The following USP9X variants were observed in gnomAD, a reference collection of about 807,000 sequenced individuals.
The protein encoded by USP9X is ubiquitin specific peptidase 9 X-linked.
USP9X carries 7 observed loss-of-function variants against 190.3 expected under a neutral mutation model. The observed-to-expected ratio is 0.04, with a 90% CI of 0.02 to 0.07. The LOEUF is 0.07. USP9X is among the 10% of genes least tolerant of loss of function. USP9X has a pLI of 1.00. For synonymous variants in USP9X, 645 were observed against 659.5 expected (o/e 0.98, Z 0.34); for missense variants, 1,010 against 1,916.9 (o/e 0.53, Z 8.83).
At chrX:41,088,504 A>T (rs1364510197) in intron 1 of USP9X, among the ~76,000 whole-genome samples, 1 of 112,256 alleles carries the variant, frequency 8.9e-6, no homozygotes, top group African/African-American at 3.2e-5. Context: ...ATCAATTTCT[A>T]ACGTTTTAGT....
At chrX:41,207,993 T>A (rs1211069460) in intron 32 of USP9X, among the ~76,000 whole-genome samples, 1 of 110,619 alleles carries the variant, frequency 9.0e-6, no homozygotes, top group African/African-American at 3.3e-5. Context: ...CATTTCTGTT[T>A]ATGCTCTTCC....
intron 1 of USP9X, among the ~76,000 whole-genome samples, chrX:41,092,850 A>C (rs1246510111): frequency 9.1e-6 from 1 of 110,338 alleles, no homozygotes; most frequent in Non-Finnish European, 1.9e-5. Context: ...CTGTTACCAT[A>C]GTTTGCCAGC....
chrX:41,160,482 G>T (rs2067116811), intron 14 of USP9X, among the ~76,000 whole-genome samples: 1 of 111,135 alleles, frequency 9.0e-6, no homozygotes, highest in Non-Finnish European at 1.9e-5. Context: ...CAGGGTCCCA[G>T]TTCTTCATAA....
At chrX:41,161,635 C>CTTTTTTTTTTTTTTTTTTTTTTTTTTTT (rs759623425) in intron 14 of USP9X, among the ~76,000 whole-genome samples, 4 of 47,412 alleles carry the variant, frequency 8.4e-5, no homozygotes, top group South Asian at 1.4e-3. Context: ...GGCGCCCTGC[C>CTTTTTTTTTTTTTTTTTTTTTTTTTTTT]TTTTTTTTTT....
chrX:41,125,670 ACACACACACACACACTCTCTCTCTCT>A (rs747528912), intron 2 of USP9X, among the ~76,000 whole-genome samples: 3,726 of 58,620 alleles, frequency 0.064, 142 homozygotes, highest in Admixed American at 0.18. Context: ...ACACACACAC[ACACACACACACACACTCTCTCTCTCT>A]CTCTCTCTCT....
chrX:41,108,379 A>G (rs899110787), intron 1 of USP9X, among the ~76,000 whole-genome samples: 3 of 111,584 alleles, frequency 2.7e-5, no homozygotes, highest in African/African-American at 9.8e-5. Context: ...AAATTGCCCC[A>G]CAGTCTGATC....
chrX:41,178,086 T>C (rs2062792573), intron 21 of USP9X, among the ~76,000 whole-genome samples: 1 of 32,420 alleles, frequency 3.1e-5, no homozygotes, highest in Non-Finnish European at 7.1e-5. Flanking sequence ...GTTTAAATCT[T>C]TTTTTTTTTT....
intron 1 of USP9X, among the ~76,000 whole-genome samples, chrX:41,086,624 C>T (rs369781110): frequency 8.9e-6 from 1 of 112,229 alleles, no homozygotes; most frequent in Admixed American, 9.3e-5. Flanking sequence ...GACGACTTGT[C>T]CGCCTCCCCC....
intron 18 of USP9X, among the ~76,000 whole-genome samples, chrX:41,168,585 C>T (rs764173662): frequency 1.8e-5 from 2 of 112,485 alleles, no homozygotes; most frequent in East Asian, 2.8e-4. Context: ...TGGCTCACTG[C>T]GGGCTCAAGC....
At chrX:41,224,699 A>C in intron 39 of USP9X, 43 bp from the exon 40 acceptor site, 1 of 1,032,127 alleles carries the variant, frequency 9.7e-7, no homozygotes, top group Non-Finnish European at 1.3e-6. Context: ...ATTATTGTGA[A>C]GAAGCTTATT....
intron 1 of USP9X, among the ~76,000 whole-genome samples, chrX:41,089,956 G>A (rs945348172): frequency 3.0e-4 from 24 of 80,836 alleles, no homozygotes; most frequent in African/African-American, 1.1e-3. Context: ...CTCTGTCACT[G>A]AGGCTGGAGT....
At chrX:41,188,312 G>A (rs1001669785) in intron 25 of USP9X, among the ~76,000 whole-genome samples, 195 bp downstream of exon 25, 1 of 112,194 alleles carries the variant, frequency 8.9e-6, no homozygotes, top group Admixed American at 9.4e-5. Flanking sequence ...ATCGTGCCAT[G>A]TGGCTGCTTT....
chrX:41,182,914 T>A (rs1427753598), intron 21 of USP9X, among the ~76,000 whole-genome samples: 2 of 104,743 alleles, frequency 1.9e-5, no homozygotes, highest in Non-Finnish European at 3.9e-5. Flanking sequence ...CTGTAAAAAT[T>A]CATTTACCCA....
At chrX:41,215,185 T>C (rs1237509247) in intron 34 of USP9X, among the ~76,000 whole-genome samples, 2 of 113,100 alleles carry the variant, frequency 1.8e-5, no homozygotes, top group African/African-American at 6.4e-5. Context: ...ATAAGATTTC[T>C]TTTATCACCT....
At chrX:41,094,698 T>C (rs779530198) in intron 1 of USP9X, among the ~76,000 whole-genome samples, 87 of 111,063 alleles carry the variant, frequency 7.8e-4, no homozygotes, top group Non-Finnish European at 1.5e-3. Context: ...TTTCCCCATA[T>C]TTTGGAATAT....
intron 41 of USP9X, 29 bp downstream of exon 41, chrX:41,225,166 A>G (rs768644782): frequency 7.6e-6 from 9 of 1,181,302 alleles, no homozygotes; most frequent in South Asian, 5.4e-5. Flanking sequence ...ACTGGAAACA[A>G]TTAGGCTTGC....
chrX:41,184,315 C>G, intron 22 of USP9X, 82 bp from the exon 23 acceptor site: 6 of 1,068,783 alleles, frequency 5.6e-6, no homozygotes, highest in Non-Finnish European at 7.5e-6. Context: ...AGTTTCTTGG[C>G]ACTGACAATA....
intron 14 of USP9X, among the ~76,000 whole-genome samples, chrX:41,162,486 G>T (rs933484572): frequency 2.7e-5 from 3 of 112,212 alleles, no homozygotes; most frequent in Admixed American, 1.9e-4. Flanking sequence ...AGACCACTTA[G>T]GTCAGTCTTA....
In USP9X at chrX:41,085,775, A is replaced by C; in HGVS notation, c.-493A>C. The stretch of plus-strand genomic sequence containing the variant: ...TCGCTGCAGGAGGAGGAGCAGGAGG[A>C]GGTGACGCAGGAGAAACGCACCGCC... On this transcript the variant is annotated 5_prime_UTR_variant, in exon 1 of 45. Transcript: ENST00000378308. 3.3e-6 allele frequency: 1 copy of C among 299,196 alleles called. No individual in the cohort carries two copies. The allele number at this position is 299,196 out of a possible 1,213,427, so 24.7% of individuals were successfully genotyped here. A position where few individuals can be genotyped will look rare whatever the true frequency, so the allele number is the denominator to read the frequency against.
Sources: gnomAD v4.1 joint callset for allele counts (sites outside exome capture counted in the v4.1 genomes callset) on GRCh38, gnomAD v4.1.1 for gene constraint, MANE v1.5 for transcripts, NCBI Gene and HGNC (gene_info 2026-07-23, HGNC 2026-07-21) for gene names.